SEMA5A: variants seen among roughly 807,000 people sequenced by gnomAD.
The protein encoded by SEMA5A is semaphorin-5A.
A neutral mutation model predicts 135.5 loss-of-function variants in SEMA5A; 55 were observed. The ratio of observed to expected loss-of-function variants is 0.41; its 90% confidence interval spans 0.33 to 0.51. The LOEUF (loss-of-function observed/expected upper bound fraction) is 0.51. Among genes scored for constraint, SEMA5A ranks in the 20% least tolerant of loss-of-function variants. The probability of loss-of-function intolerance (pLI) is 0.37; values close to 1 mark genes in which losing one functional copy is unlikely to be tolerated. For synonymous variants in SEMA5A, 580 were observed against 546.5 expected (o/e 1.06, Z -0.85); for missense variants, 1,290 against 1,419.9 (o/e 0.91, Z 1.47).
At chr5:9,247,199 C>A (rs1193825794) in intron 5 of SEMA5A, among the ~76,000 whole-genome samples, 1 of 152,056 alleles carries the variant, frequency 6.6e-6, no homozygotes, top group Non-Finnish European at 1.5e-5. Flanking sequence ...TTTATATTTT[C>A]AAGAGGAATA....
At chr5:9,374,456 G>T (rs739945) in intron 3 of SEMA5A, among the ~76,000 whole-genome samples, 2 of 152,060 alleles carry the variant, frequency 1.3e-5, no homozygotes, top group East Asian at 3.9e-4. Flanking sequence ...AAGATTATCC[G>T]GTTCTCCCTT....
chr5:9,114,390 T>A (rs1335460116), intron 15 of SEMA5A, among the ~76,000 whole-genome samples: 3 of 152,232 alleles, frequency 2.0e-5, no homozygotes, highest in African/African-American at 7.2e-5. Flanking sequence ...GTTACGGTTA[T>A]ACAATAATGT....
intron 12 of SEMA5A, among the ~76,000 whole-genome samples, chr5:9,137,679 G>A (rs759012449): frequency 6.6e-6 from 1 of 152,178 alleles, no homozygotes; most frequent in Non-Finnish European, 1.5e-5. Context: ...GGGAGGTCCT[G>A]TTACAAACTA....
At chr5:9,508,295 C>T (rs905388464) in intron 1 of SEMA5A, among the ~76,000 whole-genome samples, 2 of 152,162 alleles carry the variant, frequency 1.3e-5, no homozygotes, top group African/African-American at 2.4e-5. Context: ...CCCACCACCA[C>T]CGCATCCAGT....
intron 16 of SEMA5A, among the ~76,000 whole-genome samples, chr5:9,070,676 A>C (rs1737725568): frequency 1.3e-5 from 2 of 152,210 alleles, no homozygotes; most frequent in Non-Finnish European, 2.9e-5. Flanking sequence ...CGGCTAAGAA[A>C]GATCAGTTTA....
At chr5:9,224,995 C>T (rs1263991138) in intron 7 of SEMA5A, 108 bp from the exon 8 acceptor site, 41 of 1,069,524 alleles carry the variant, frequency 3.8e-5, no homozygotes, top group East Asian at 7.7e-5. Flanking sequence ...AACAGCCTCT[C>T]GGGGGCCCAT....
intron 15 of SEMA5A, among the ~76,000 whole-genome samples, 180 bp downstream of exon 15, chr5:9,118,818 C>T (rs563482677): frequency 6.6e-6 from 1 of 152,224 alleles, no homozygotes; most frequent in African/African-American, 2.4e-5. Flanking sequence ...GTGATGCTGT[C>T]GACGAGGCTT....
intron 12 of SEMA5A, among the ~76,000 whole-genome samples, chr5:9,140,817 C>T (rs1742028543): frequency 6.6e-6 from 1 of 152,140 alleles, no homozygotes; most frequent in South Asian, 2.1e-4. Context: ...ATTAAAGCAA[C>T]ATGACCAGTA....
chr5:9,287,102 C>G (rs1314409401), intron 5 of SEMA5A, among the ~76,000 whole-genome samples: 6 of 152,218 alleles, frequency 3.9e-5, no homozygotes, highest in Non-Finnish European at 8.8e-5. Flanking sequence ...GCCACTAACC[C>G]TCCCCCGTCC....
chr5:9,469,656 AG>A (rs1759402921), intron 1 of SEMA5A, among the ~76,000 whole-genome samples: 3 of 152,326 alleles, frequency 2.0e-5, no homozygotes, highest in Admixed American at 2.0e-4. Context: ...GGAAACTAAA[AG>A]TGCTGGAGAC....
chr5:9,078,878 T>C (rs182045699), intron 16 of SEMA5A, among the ~76,000 whole-genome samples: 25 of 152,270 alleles, frequency 1.6e-4, no homozygotes, highest in African/African-American at 5.1e-4. Context: ...TTCAGCAGCA[T>C]AGGCCACTAA....
At chr5:9,165,558 C>T (rs1358045468) in intron 11 of SEMA5A, among the ~76,000 whole-genome samples, 1 of 152,168 alleles carries the variant, frequency 6.6e-6, no homozygotes, top group Non-Finnish European at 1.5e-5. Flanking sequence ...TTCATGTGGA[C>T]AAGGAGGCCA....
Position 9,197,028 on chromosome 5 carries a change from T to C in SEMA5A, c.1068+140A>G, listed in dbSNP as rs1471697197. The C allele has an allele frequency of 5.0e-6, 6 of 1,193,362 alleles. No homozygotes were observed. In the African/African-American group the frequency reaches 6.1e-5, roughly 12 times the overall value. 73.9% of individuals were successfully genotyped at this position (1,193,362 alleles called of 1,614,324 possible). A position where few individuals can be genotyped will look rare whatever the true frequency, so the allele number is the denominator to read the frequency against. On this transcript the variant is annotated intron_variant, in intron 10 of 22. Transcript: ENST00000382496. ...TCTATTGACATTAGCCAGCAGAGTA[T>C]GGGGCTGTCCATGAGGGGCCAGGGA... is the stretch of plus-strand genomic sequence containing the variant.
intron 2 of SEMA5A, among the ~76,000 whole-genome samples, chr5:9,429,159 A>G (rs1407059421): frequency 1.3e-5 from 2 of 152,186 alleles, no homozygotes; most frequent in African/African-American, 4.8e-5. Flanking sequence ...GAACAAGCAA[A>G]TATCTACCCA....
At chr5:9,149,054 G>A (rs1171324272) in intron 12 of SEMA5A, among the ~76,000 whole-genome samples, 1 of 152,168 alleles carries the variant, frequency 6.6e-6, no homozygotes, top group African/African-American at 2.4e-5. Context: ...TGTGGGACAA[G>A]GGATGTGGTG....
intron 1 of SEMA5A, among the ~76,000 whole-genome samples, chr5:9,457,415 T>C (rs571304212): frequency 2.1e-4 from 32 of 152,324 alleles, no homozygotes; most frequent in African/African-American, 7.7e-4. Context: ...AGCAACCAGG[T>C]TGCAAGTAAA....
intron 15 of SEMA5A, among the ~76,000 whole-genome samples, chr5:9,110,044 C>T (rs892795987): frequency 4.0e-5 from 6 of 151,884 alleles, no homozygotes; most frequent in South Asian, 2.1e-4. Flanking sequence ...GGGGTGCTGA[C>T]GGGATGAGGC....
intron 5 of SEMA5A, among the ~76,000 whole-genome samples, chr5:9,249,628 T>G (rs1748667497): frequency 6.6e-6 from 1 of 152,172 alleles, no homozygotes; most frequent in Non-Finnish European, 1.5e-5. Context: ...TGCCCTACAA[T>G]ATATATGAAA....
At chr5:9,499,938 A>G (rs1423043116) in intron 1 of SEMA5A, among the ~76,000 whole-genome samples, 2 of 148,008 alleles carry the variant, frequency 1.4e-5, no homozygotes, top group African/African-American at 5.1e-5. Flanking sequence ...TTCTGCCCTG[A>G]AAAAAAAAAG....
Sources: allele counts gnomAD v4.1 joint callset (sites outside exome capture counted in the v4.1 genomes callset), GRCh38; gene constraint gnomAD v4.1.1; transcripts MANE v1.5; gene names NCBI Gene and HGNC (gene_info 2026-07-23, HGNC 2026-07-21).